Variants in OR14J1 observed in about 807,000 individuals in gnomAD.
OR14J1 encodes olfactory receptor 14J1.
For synonymous variants in OR14J1, 140 were observed against 146.7 expected, an observed-to-expected ratio of 0.95 and a Z score of 0.33; for missense variants, 378 against 393.4, an observed-to-expected ratio of 0.96 and a Z score of 0.33.
intron 1 of OR14J1, 52 bp downstream of exon 1, chr6:29,301,839 A>G (rs1176808458): frequency 6.6e-6 from 1 of 152,168 alleles, no homozygotes; most frequent in Non-Finnish European, 1.5e-5. Context: ...TTTATGTAGC[A>G]CCTGCTTAGT....
In OR14J1 at chr6:29,309,416, G is replaced by A. The variant is rs934282620; in HGVS notation, c.*1761G>A. 4 of 152,152 alleles carry A rather than the reference G, an allele frequency of 2.6e-5. No individual in the cohort carries two copies. Among genetic ancestry groups the A allele is most frequent in the African/African-American group, 9.7e-5 (4 of 41,422 alleles). 9.4% of individuals were successfully genotyped at this position (152,152 alleles called of 1,614,324 possible). On this transcript the variant is annotated 3_prime_UTR_variant, in exon 2 of 2. Transcript: ENST00000641895. The stretch of plus-strand genomic sequence containing the variant: ...ATATACCCTGTAAAGGGATTCCTGG[G>A]TCAAATGGTATTTTTGGTTCTAGAT...
intron 1 of OR14J1, among the ~76,000 whole-genome samples, chr6:29,304,343 G>A (rs770577799): frequency 1.3e-5 from 2 of 152,122 alleles, no homozygotes; most frequent in Non-Finnish European, 2.9e-5. Context: ...GTTTAGAAAT[G>A]TTTTGTAGGA....
intron 1 of OR14J1, among the ~76,000 whole-genome samples, chr6:29,305,076 G>T (rs550529639): frequency 6.6e-6 from 1 of 152,180 alleles, no homozygotes; most frequent in Non-Finnish European, 1.5e-5. Context: ...GAAAGCTAGA[G>T]AAACTTTGAA....
intron 1 of OR14J1, among the ~76,000 whole-genome samples, chr6:29,302,331 A>C (rs1774774950): frequency 6.6e-6 from 1 of 151,314 alleles, no homozygotes; most frequent in Admixed American, 6.6e-5. Context: ...GGTGCCCACC[A>C]CCGTGCCCGG....
rs762179403 is a variant in OR14J1, at chr6:29,307,343, C to T, written c.654C>T (p.Arg218=). ...CLISIVLSYI[R]IFSTVLRIPS... ...TCTCCATTGTGCTCTCCTACATTCGCATCTTCTCTACAGTGCTGAGAATCC... is the reference window on the plus strand; with the variant it reads ...TCTCCATTGTGCTCTCCTACATTCGTATCTTCTCTACAGTGCTGAGAATCC... Residue 218 remains arginine (R), a synonymous_variant, in exon 2 of 2, where the codon CGC becomes CGT. Transcript: ENST00000641895. 6.2e-7 allele frequency: 1 copy of T among 1,613,096 alleles called. No homozygotes were observed.
rs1775284300 is a variant in OR14J1, at chr6:29,308,650, C to T, written c.*995C>T. Reference sequence around the variant, plus strand: ...ATATCTGATTCAATTTTGTGTAATGCTGCAGATTTCTTCAAGAAAGACTCA... The same window carrying T: ...ATATCTGATTCAATTTTGTGTAATGTTGCAGATTTCTTCAAGAAAGACTCA... On this transcript the variant is annotated 3_prime_UTR_variant, in exon 2 of 2. Transcript: ENST00000641895. The T allele has an allele frequency of 6.6e-6, 1 of 152,146 alleles. No individual in the cohort carries two copies. The highest frequency in any genetic ancestry group is 1.5e-5 in the Non-Finnish European group (1 of 68,030). The allele number at this position is 152,146 out of a possible 1,614,324, so 9.4% of individuals were successfully genotyped here.
intron 1 of OR14J1, among the ~76,000 whole-genome samples, chr6:29,302,069 G>T (rs182279525): frequency 1.3e-5 from 2 of 151,542 alleles, no homozygotes; most frequent in African/African-American, 4.8e-5. Flanking sequence ...TTCTTGGGTC[G>T]ACAGTTAAAC....
intron 1 of OR14J1, among the ~76,000 whole-genome samples, chr6:29,303,371 C>T (rs1774838648): frequency 6.6e-6 from 1 of 152,150 alleles, no homozygotes; most frequent in African/African-American, 2.4e-5. Flanking sequence ...TGGAAGTCAG[C>T]TGTTTTAGAA....
chr6:29,305,391 C>T (rs1428681347), intron 1 of OR14J1, among the ~76,000 whole-genome samples: 1 of 152,100 alleles, frequency 6.6e-6, no homozygotes, highest in Non-Finnish European at 1.5e-5. Flanking sequence ...AAGTTTTTGT[C>T]TATATAGAAC....
chr6:29,302,179 C>CTTT (rs1157949122), intron 1 of OR14J1, among the ~76,000 whole-genome samples: 16 of 102,050 alleles, frequency 1.6e-4, no homozygotes, highest in South Asian at 6.4e-4. Flanking sequence ...TTTTTTTTTT[C>CTTT]TTTTTTTTTT....
In OR14J1 at chr6:29,312,068, A is replaced by C. The variant is rs1775553667; in HGVS notation, c.*4413A>C. Reference sequence around the variant, plus strand: ...TTCAAAAAAACCAGCTCCTGGATTCATTGATTTTTTGAATTTTTTTGTGTG... The same window carrying C: ...TTCAAAAAAACCAGCTCCTGGATTCCTTGATTTTTTGAATTTTTTTGTGTG... On this transcript the variant is annotated 3_prime_UTR_variant, in exon 2 of 2. Transcript: ENST00000641895. 1 of 152,066 alleles carries C rather than the reference A, an allele frequency of 6.6e-6. No homozygotes were observed. The highest frequency in any genetic ancestry group is 2.4e-5 in the African/African-American group (1 of 41,398). 9.4% of individuals were successfully genotyped at this position (152,066 alleles called of 1,614,324 possible). A position where few individuals can be genotyped will look rare whatever the true frequency, so the allele number is the denominator to read the frequency against.
chr6:29,305,992 T>C (rs1439390073), intron 1 of OR14J1, among the ~76,000 whole-genome samples: 3 of 152,156 alleles, frequency 2.0e-5, no homozygotes, highest in Admixed American at 6.5e-5. Context: ...TAAACGTTCT[T>C]TGACGGTGAA....
In OR14J1 at chr6:29,305,382, A is replaced by C. The variant is rs558327567; in HGVS notation, c.-28-1280A>C. Among the ~76,000 whole-genome samples the C allele has an allele frequency of 1.3e-4, 20 of 152,330 alleles. 1 individual carries two copies. The South Asian group carries it at 3.9e-3, about 30-fold the overall frequency. ...ATTAACTCATGTAACTTAGCCATTAAGTTTTTGTCTATATAGAACTGAAAT... is the reference window on the plus strand; with the variant it reads ...ATTAACTCATGTAACTTAGCCATTACGTTTTTGTCTATATAGAACTGAAAT... On this transcript the variant is annotated intron_variant, in intron 1 of 1. Coordinates refer to ENST00000641895, the MANE Select transcript of OR14J1 (RefSeq NM_030946.2).
Position 29,304,162 on chromosome 6 carries a change from T to C in OR14J1, c.-29+2375T>C, listed in dbSNP as rs185875241. Among the ~76,000 whole-genome samples the C allele has an allele frequency of 5.0e-4, 76 of 152,124 alleles. 1 individual carries two copies. The East Asian group carries it at 0.014, about 27-fold the overall frequency. On this transcript the variant is annotated intron_variant, in intron 1 of 1. Transcript: ENST00000641895. Reference sequence around the variant, plus strand: ...ATTGGCAATGCTACCTCCCAGGAAATAGAGGAAAATAGTGAAGAAGAGACA... The same window carrying C: ...ATTGGCAATGCTACCTCCCAGGAAACAGAGGAAAATAGTGAAGAAGAGACA...
Position 29,306,824 on chromosome 6 carries a change from C to G in OR14J1, c.135C>G (p.Thr45=). 2 of 1,613,050 alleles carry G rather than the reference C, an allele frequency of 1.2e-6. No individual in the cohort carries two copies. The highest frequency in any genetic ancestry group is 4.5e-5 in the East Asian group (2 of 44,884). The part of the protein sequence containing the change: ...LALTGNLLII[T]IITVDRRLHS... ...TGACAGGCAACCTCCTCATTATCAC[C>G]ATCATTACCGTGGACCGTCGTCTCC... The change falls in exon 2 of 2, where the codon ACC becomes ACG. Residue 45 remains threonine, a synonymous_variant. Transcript: ENST00000641895.
chr6:29,308,545 CAG>C lies in OR14J1; in HGVS notation c.*892_*893del, dbSNP rs1234470754. ...GGGGATGCTCCCTAGTTCCATGAAA[CAG>C]AATATAGATAAACTGCAAATGAAGA... On this transcript the variant is annotated 3_prime_UTR_variant, in exon 2 of 2. Transcript: ENST00000641895. 3.3e-5 allele frequency: 5 copies of C among 152,126 alleles called. No individual in the cohort carries two copies. The highest frequency in any genetic ancestry group is 3.3e-4 in the Admixed American group (5 of 15,270). The allele number at this position is 152,126 out of a possible 1,614,324, so 9.4% of individuals were successfully genotyped here. A position where few individuals can be genotyped will look rare whatever the true frequency, so the allele number is the denominator to read the frequency against.
At chr6:29,305,075 A>G (rs2151191020) in intron 1 of OR14J1, among the ~76,000 whole-genome samples, 1 of 152,308 alleles carries the variant, frequency 6.6e-6, no homozygotes, top group South Asian at 2.1e-4. Context: ...AGAAAGCTAG[A>G]GAAACTTTGA....
intron 1 of OR14J1, among the ~76,000 whole-genome samples, chr6:29,305,617 T>C (rs1032128410): frequency 6.6e-6 from 1 of 152,124 alleles, no homozygotes; most frequent in Non-Finnish European, 1.5e-5. Flanking sequence ...AGAGTGATTC[T>C]GATACACAAA....
rs1235289658 is a variant in OR14J1, at chr6:29,310,865, G to A, written c.*3210G>A. On this transcript the variant is annotated 3_prime_UTR_variant, in exon 2 of 2. Transcript: ENST00000641895. ...TATTCCTGGGTATTTTATTCTCTTT[G>A]TAGCAGTTATGAATGGGAGTTCACT... is the stretch of plus-strand genomic sequence containing the variant. 2 of 152,042 alleles carry A rather than the reference G, an allele frequency of 1.3e-5. No individual in the cohort carries two copies. The highest frequency in any genetic ancestry group is 4.8e-5 in the African/African-American group (2 of 41,372). The allele number at this position is 152,042 out of a possible 1,614,324, so 9.4% of individuals were successfully genotyped here. A position where few individuals can be genotyped will look rare whatever the true frequency, so the allele number is the denominator to read the frequency against.
Sources: allele counts gnomAD v4.1 joint callset (sites outside exome capture counted in the v4.1 genomes callset), GRCh38; gene constraint gnomAD v4.1.1; transcripts MANE v1.5; gene names NCBI Gene and HGNC (gene_info 2026-07-23, HGNC 2026-07-21).